The following CRTAC1 variants were observed in gnomAD, a reference collection of about 807,000 sequenced individuals.
CRTAC1 encodes the protein acidic secreted protein in cartilage.
In CRTAC1, 37 loss-of-function variants were observed where a neutral mutation model predicts 67.8. That is an observed-to-expected ratio of 0.55 (90% confidence interval 0.42 to 0.72). The LOEUF (loss-of-function observed/expected upper bound fraction) is 0.72, where lower values mean the gene tolerates loss of function less well. CRTAC1 is among the 30% of genes least tolerant of loss of function. CRTAC1 has a pLI of 0.00. For synonymous variants in CRTAC1, 348 were observed against 371.0 expected, an observed-to-expected ratio of 0.94 and a Z score of 0.71; for missense variants, 780 against 931.6, an observed-to-expected ratio of 0.84 and a Z score of 2.12.
intron 11 of CRTAC1, among the ~76,000 whole-genome samples, chr10:97,889,473 A>G (rs886290251): frequency 3.3e-5 from 5 of 151,880 alleles, no homozygotes; most frequent in African/African-American, 9.7e-5. Context: ...TCCACTGAGC[A>G]AGGCAGGGTC....
At chr10:97,980,216 C>T (rs533716018) in intron 2 of CRTAC1, among the ~76,000 whole-genome samples, 1 of 152,220 alleles carries the variant, frequency 6.6e-6, no homozygotes, top group Non-Finnish European at 1.5e-5. Flanking sequence ...GCCAGGCACA[C>T]AGTCGGTGCT....
intron 6 of CRTAC1, among the ~76,000 whole-genome samples, chr10:97,906,963 C>T (rs2050620510): frequency 6.6e-6 from 1 of 152,234 alleles, no homozygotes; most frequent in Non-Finnish European, 1.5e-5. Flanking sequence ...ACCACTCCTG[C>T]AGGCCAGAGC....
chr10:97,931,522 T>G (rs2051003806), intron 3 of CRTAC1, among the ~76,000 whole-genome samples: 1 of 152,228 alleles, frequency 6.6e-6, no homozygotes, highest in African/African-American at 2.4e-5. Context: ...AAGCTCTCTG[T>G]GTACTGCCAT....
chr10:97,899,031 T>A (rs2050498415), intron 8 of CRTAC1, among the ~76,000 whole-genome samples: 2 of 152,156 alleles, frequency 1.3e-5, no homozygotes, highest in African/African-American at 2.4e-5. Flanking sequence ...AGGCTTTATG[T>A]CCCCACAGAG....
At chr10:97,946,742 T>C (rs2051270850) in intron 2 of CRTAC1, among the ~76,000 whole-genome samples, 1 of 152,136 alleles carries the variant, frequency 6.6e-6, no homozygotes, top group Admixed American at 6.5e-5. Context: ...AACAAATGCT[T>C]CCCTGGGACC....
At chr10:97,901,349 C>CCTTT (rs1244804651) in intron 8 of CRTAC1, among the ~76,000 whole-genome samples, 154 bp downstream of exon 8, 1 of 152,212 alleles carries the variant, frequency 6.6e-6, no homozygotes, top group African/African-American at 2.4e-5. Flanking sequence ...GTCCTTCCTT[C>CCTTT]CTTTCTGTTT....
chr10:98,024,153 G>T (rs894775711), intron 1 of CRTAC1, among the ~76,000 whole-genome samples: 1 of 152,214 alleles, frequency 6.6e-6, no homozygotes, highest in Non-Finnish European at 1.5e-5. Flanking sequence ...AGCAGTCCCT[G>T]CAGTCCCTCC....
intron 8 of CRTAC1, among the ~76,000 whole-genome samples, chr10:97,900,111 G>A (rs559777197): frequency 4.3e-4 from 66 of 152,338 alleles, no homozygotes; most frequent in African/African-American, 1.5e-3. Flanking sequence ...CACTCTGGGT[G>A]ATTCTGATGC....
At chr10:97,987,839 T>C (rs895071683) in intron 2 of CRTAC1, among the ~76,000 whole-genome samples, 4 of 152,212 alleles carry the variant, frequency 2.6e-5, no homozygotes, top group African/African-American at 9.6e-5. Context: ...CTCTTCCATC[T>C]TGGATCTAGG....
chr10:97,991,099 C>CAAAAAAAAAAAAAAAAAA (rs757267901), intron 2 of CRTAC1, among the ~76,000 whole-genome samples: 3 of 17,982 alleles, frequency 1.7e-4, no homozygotes, highest in African/African-American at 3.8e-4. Context: ...ACCATCTCTA[C>CAAAAAAAAAAAAAAAAAA]AAAAAAAAAA....
chr10:97,881,798 G>A (rs553610559), intron 13 of CRTAC1, among the ~76,000 whole-genome samples: 1 of 152,170 alleles, frequency 6.6e-6, no homozygotes, highest in South Asian at 2.1e-4. Context: ...GTGCTCCTTT[G>A]TTCAGACAGT....
At chr10:98,017,213 C>G (rs1843016237) in intron 1 of CRTAC1, among the ~76,000 whole-genome samples, 1 of 152,086 alleles carries the variant, frequency 6.6e-6, no homozygotes. Context: ...TGTGGAAGGT[C>G]CTAGGAGTGC....
Position 97,865,412 on chromosome 10 carries a change from T to G in CRTAC1, c.*136A>C, listed in dbSNP as rs889897106. On this transcript the variant is annotated 3_prime_UTR_variant, in exon 15 of 15. Transcript: ENST00000370597. ...CTTACGAGTCTCCCTAATTGTTAGC[T>G]AAGTAATGTGCATGGATGGGCTTGG... The G allele has an allele frequency of 1.1e-4, 113 of 1,062,026 alleles. No individual in the cohort carries two copies. Among genetic ancestry groups the G allele is most frequent in the Non-Finnish European group, 1.4e-4 (103 of 755,556 alleles). The allele number at this position is 1,062,026 out of a possible 1,614,324, so 65.8% of individuals were successfully genotyped here. A position where few individuals can be genotyped will look rare whatever the true frequency, so the allele number is the denominator to read the frequency against.
intron 2 of CRTAC1, among the ~76,000 whole-genome samples, chr10:97,977,354 A>G (rs1399817425): frequency 6.6e-6 from 1 of 152,214 alleles, no homozygotes; most frequent in African/African-American, 2.4e-5. Context: ...CACGTGAGCA[A>G]GAAAGGAGGA....
At position 97,865,145 on chromosome 10, in the gene CRTAC1, T is replaced by C. The variant is rs1419928228; in HGVS notation, c.*403A>G. 6.0e-6 allele frequency: 1 copy of C among 165,820 alleles called. No individual in the cohort carries two copies. Among genetic ancestry groups the C allele is most frequent in the African/African-American group, 2.4e-5 (1 of 42,120 alleles). 10.3% of individuals were successfully genotyped at this position (165,820 alleles called of 1,614,324 possible). On this transcript the variant is annotated 3_prime_UTR_variant, in exon 15 of 15. Transcript: ENST00000370597. Reference sequence around the variant, plus strand: ...CTATTCTTAATCCCCATTTTGCAGATGCGATAATGGATGGCTAACAAGTTA... The same window carrying C: ...CTATTCTTAATCCCCATTTTGCAGACGCGATAATGGATGGCTAACAAGTTA...
At chr10:97,995,703 T>C (rs1430382975) in intron 2 of CRTAC1, among the ~76,000 whole-genome samples, 1 of 152,164 alleles carries the variant, frequency 6.6e-6, no homozygotes, top group Non-Finnish European at 1.5e-5. Context: ...TACATGGAAA[T>C]GAGGGACTCT....
intron 11 of CRTAC1, among the ~76,000 whole-genome samples, chr10:97,886,321 G>A (rs2050283323): frequency 6.6e-6 from 1 of 152,158 alleles, no homozygotes. Context: ...GCCATGCTGT[G>A]AGCCTATGAG....
chr10:97,990,688 A>G (rs937171942), intron 2 of CRTAC1, among the ~76,000 whole-genome samples: 14 of 152,208 alleles, frequency 9.2e-5, no homozygotes, highest in African/African-American at 3.4e-4. Flanking sequence ...GAGCTCTGTG[A>G]AGGCAGGAGT....
At chr10:97,907,934 G>T in intron 6 of CRTAC1, 79 bp downstream of exon 6, 1 of 1,500,924 alleles carries the variant, frequency 6.7e-7, no homozygotes. Context: ...CTATCCTGGA[G>T]GGGGCAGGGC....
Sources: allele counts gnomAD v4.1 joint callset (sites outside exome capture counted in the v4.1 genomes callset), GRCh38; gene constraint gnomAD v4.1.1; transcripts MANE v1.5; gene names NCBI Gene and HGNC (gene_info 2026-07-23, HGNC 2026-07-21).